The following FGF12 variants were observed in gnomAD, a reference collection of about 807,000 sequenced individuals.
FGF12 encodes the protein fibroblast growth factor 12.
Under a neutral mutation model 23.6 loss-of-function variants are expected in FGF12, and 14 were observed. That is an observed-to-expected ratio of 0.59 (90% CI 0.39 to 0.93). The LOEUF (loss-of-function observed/expected upper bound fraction) is 0.93, where lower values mean the gene tolerates loss of function less well. Among genes scored for constraint, FGF12 ranks in the 40% least tolerant of loss-of-function variants. The probability of loss-of-function intolerance (pLI) is 0.00; values close to 1 mark genes in which losing one functional copy is unlikely to be tolerated. For missense variants in FGF12, 175 were observed against 217.8 expected (o/e 0.80, Z 1.24); for synonymous variants, 62 against 77.3 (o/e 0.80, Z 1.04).
At chr3:192,378,084 T>TTCTTTCTTTCTG (rs1719639968) in intron 2 of FGF12, among the ~76,000 whole-genome samples, 8 of 114,374 alleles carry the variant, frequency 7.0e-5, no homozygotes, top group African/African-American at 3.0e-4. Context: ...CTTTCTTTCT[T>TTCTTTCTTTCTG]TCTTTCTTTC....
chr3:192,297,985 T>G (rs1268024398), intron 4 of FGF12, among the ~76,000 whole-genome samples: 1 of 152,184 alleles, frequency 6.6e-6, no homozygotes, highest in Non-Finnish European at 1.5e-5. Context: ...AATATAACAC[T>G]GAGAAGGCAT....
intron 2 of FGF12, among the ~76,000 whole-genome samples, chr3:192,427,098 GT>G: frequency 1.3e-5 from 2 of 152,202 alleles, no homozygotes; most frequent in East Asian, 3.9e-4. Context: ...GTAGAAGAGT[GT>G]AGGCTGGGCA....
At chr3:192,546,073 A>G (rs1725487196) in intron 2 of FGF12, among the ~76,000 whole-genome samples, 1 of 152,236 alleles carries the variant, frequency 6.6e-6, no homozygotes. Flanking sequence ...TAAATGAGGG[A>G]CAGAGTGGTG....
At chr3:192,374,930 A>C (rs578041264) in intron 2 of FGF12, among the ~76,000 whole-genome samples, 8 of 152,224 alleles carry the variant, frequency 5.3e-5, no homozygotes, top group Non-Finnish European at 1.0e-4. Context: ...AAACCATTAC[A>C]GTCATCTCTT....
At chr3:192,533,719 G>A (rs113567859) in intron 2 of FGF12, among the ~76,000 whole-genome samples, 27 of 151,974 alleles carry the variant, frequency 1.8e-4, no homozygotes, top group African/African-American at 5.6e-4. Context: ...AAAGTTTATC[G>A]TGGGCCAGTC....
At chr3:192,337,106 C>A (rs867795844) in intron 3 of FGF12, among the ~76,000 whole-genome samples, 3 of 152,164 alleles carry the variant, frequency 2.0e-5, no homozygotes, top group East Asian at 1.9e-4. Context: ...AATACAAGAA[C>A]TAGACAAAGT....
intron 2 of FGF12, among the ~76,000 whole-genome samples, chr3:192,496,781 C>A (rs1313573188): frequency 1.3e-5 from 2 of 152,190 alleles, no homozygotes; most frequent in African/African-American, 2.4e-5. Flanking sequence ...TCTCATCAAG[C>A]TGGTCATTCC....
At chr3:192,291,529 G>A (rs1369165458) in intron 4 of FGF12, among the ~76,000 whole-genome samples, 1 of 151,936 alleles carries the variant, frequency 6.6e-6, no homozygotes, top group Non-Finnish European at 1.5e-5. Context: ...GTTGCAGTGA[G>A]CCAAGGTTGC....
intron 4 of FGF12, among the ~76,000 whole-genome samples, chr3:192,200,511 C>T (rs1369969959): frequency 6.6e-6 from 1 of 152,118 alleles, no homozygotes; most frequent in African/African-American, 2.4e-5. Flanking sequence ...AAGAAAGAAA[C>T]TTTCACGTAG....
intron 4 of FGF12, among the ~76,000 whole-genome samples, chr3:192,171,887 T>G (rs1156228659): frequency 6.6e-6 from 1 of 151,168 alleles, no homozygotes; most frequent in African/African-American, 2.5e-5. Flanking sequence ...TCTCTCTCTC[T>G]CTTTCTCTCC....
At chr3:192,486,745 A>G (rs912069469) in intron 2 of FGF12, among the ~76,000 whole-genome samples, 3 of 151,964 alleles carry the variant, frequency 2.0e-5, no homozygotes, top group Non-Finnish European at 2.9e-5. Context: ...ACATGATATA[A>G]TTTATATTTT....
chr3:192,538,216 G>C (rs1725280165), intron 2 of FGF12, among the ~76,000 whole-genome samples: 1 of 152,020 alleles, frequency 6.6e-6, no homozygotes, highest in Non-Finnish European at 1.5e-5. Flanking sequence ...CCAAAGCGCT[G>C]GGATTACAGG....
intron 5 of FGF12, among the ~76,000 whole-genome samples, chr3:192,145,922 A>G (rs1321945491): frequency 8.9e-6 from 1 of 112,222 alleles, no homozygotes; most frequent in Non-Finnish European, 2.3e-5. Flanking sequence ...CTCTCTTTCT[A>G]TTATAAAAAA....
intron 2 of FGF12, among the ~76,000 whole-genome samples, chr3:192,391,984 G>A (rs1470804120): frequency 6.6e-6 from 1 of 152,190 alleles, no homozygotes; most frequent in Non-Finnish European, 1.5e-5. Context: ...TACTCAATGT[G>A]TGGTCACCAG....
At chr3:192,679,439 A>C (rs956102763) in intron 2 of FGF12, among the ~76,000 whole-genome samples, 4 of 152,080 alleles carry the variant, frequency 2.6e-5, no homozygotes, top group Non-Finnish European at 5.9e-5. Context: ...CTCTACAAAG[A>C]ATACAAAAAT....
At chr3:192,293,976 C>G (rs1714897846) in intron 4 of FGF12, among the ~76,000 whole-genome samples, 1 of 152,128 alleles carries the variant, frequency 6.6e-6, no homozygotes, top group South Asian at 2.1e-4. Flanking sequence ...ATTATTCACT[C>G]AAGTTGTGGG....
At chr3:192,482,697 C>G (rs9817930) in intron 2 of FGF12, among the ~76,000 whole-genome samples, 37 of 152,192 alleles carry the variant, frequency 2.4e-4, no homozygotes, top group African/African-American at 8.7e-4. Flanking sequence ...TTAAATTCCT[C>G]TCTGCCTTTT....
intron 4 of FGF12, among the ~76,000 whole-genome samples, chr3:192,255,910 G>A (rs1456160066): frequency 1.3e-5 from 2 of 152,006 alleles, no homozygotes; most frequent in African/African-American, 2.4e-5. Context: ...CAGGCCTCTG[G>A]TTGGCATTCC....
chr3:192,598,260 G>A (rs528403317), intron 2 of FGF12, among the ~76,000 whole-genome samples: 25 of 152,304 alleles, frequency 1.6e-4, no homozygotes, highest in African/African-American at 5.3e-4. Flanking sequence ...ATCACAGCAA[G>A]AGAAAAAGAA....
Sources: gnomAD v4.1 joint callset for allele counts (sites outside exome capture counted in the v4.1 genomes callset) on GRCh38, gnomAD v4.1.1 for gene constraint, MANE v1.5 for transcripts, NCBI Gene and HGNC (gene_info 2026-07-23, HGNC 2026-07-21) for gene names.